SFRP1: variants seen among roughly 807,000 people sequenced by gnomAD.
The protein encoded by SFRP1 is secreted frizzled-related protein 1.
Under a neutral mutation model 25.9 loss-of-function variants are expected in SFRP1, and 9 were observed. The ratio of observed to expected loss-of-function variants is 0.35; its 90% CI spans 0.21 to 0.61. The LOEUF (loss-of-function observed/expected upper bound fraction) is 0.61, where lower values mean the gene tolerates loss of function less well. SFRP1 is among the 20% of genes least tolerant of loss of function. SFRP1 has a pLI of 0.78. For synonymous variants in SFRP1, 178 were observed against 174.0 expected (o/e 1.02, Z -0.18); for missense variants, 346 against 418.2 (o/e 0.83, Z 1.51).
At chr8:41,290,043 C>A (rs1180832096) in intron 2 of SFRP1, among the ~76,000 whole-genome samples, 1 of 152,204 alleles carries the variant, frequency 6.6e-6, no homozygotes. Flanking sequence ...CACAGACAGA[C>A]GCACAGGAGG....
In SFRP1 at chr8:41,265,367, A is replaced by G; in HGVS notation, c.745T>C (p.Tyr249His). The G allele has an allele frequency of 1.2e-6, 2 of 1,614,072 alleles. No homozygotes were observed. Among genetic ancestry groups the G allele is most frequent in the Non-Finnish European group, 1.7e-6 (2 of 1,180,034 alleles). ...GGACAGTCAGCCCCATTCTTCAGGT[A>G]CAGCACAAGCTTCTTCAGGTCCTTC... ...KKKDLKKLVL[Y>H]LKNGADCPCH... The change falls in exon 3 of 3, where the codon TAC becomes CAC. Residue 249 changes from tyrosine (Y) to histidine (H), a missense_variant. Coordinates refer to ENST00000220772, the MANE Select transcript of SFRP1 (RefSeq NM_003012.5).
intron 2 of SFRP1, among the ~76,000 whole-genome samples, chr8:41,296,860 G>A (rs1323186509): frequency 1.3e-5 from 2 of 152,190 alleles, no homozygotes; most frequent in African/African-American, 4.8e-5. Flanking sequence ...GGCAGTCACA[G>A]CTCCCGCATT....
At chr8:41,296,174 C>A (rs1009315079) in intron 2 of SFRP1, among the ~76,000 whole-genome samples, 20 of 152,234 alleles carry the variant, frequency 1.3e-4, no homozygotes, top group Non-Finnish European at 1.8e-4. Context: ...GCAGGCCAGA[C>A]CCCATACACA....
At chr8:41,306,676 A>T in intron 1 of SFRP1, 1 of 1,584,998 alleles carries the variant, frequency 6.3e-7, no homozygotes, top group Non-Finnish European at 8.5e-7. Context: ...CCCTCTCCCC[A>T]CTTTTCTCTT....
At chr8:41,288,189 C>T (rs532610684) in intron 2 of SFRP1, among the ~76,000 whole-genome samples, 85 of 151,952 alleles carry the variant, frequency 5.6e-4, no homozygotes, top group Non-Finnish European at 1.1e-3. Context: ...GAAACCCTGT[C>T]TCTACTAAAA....
chr8:41,281,327 C>T (rs1034975512), intron 2 of SFRP1, among the ~76,000 whole-genome samples: 4 of 152,250 alleles, frequency 2.6e-5, no homozygotes, highest in Non-Finnish European at 4.4e-5. Context: ...CATGCAGGCC[C>T]TTCAAGGATT....
chr8:41,292,326 G>C (rs1010311428), intron 2 of SFRP1, among the ~76,000 whole-genome samples: 1 of 152,158 alleles, frequency 6.6e-6, no homozygotes, highest in Non-Finnish European at 1.5e-5. Flanking sequence ...GAGAGACCTG[G>C]TGGGAGGTGA....
intron 2 of SFRP1, among the ~76,000 whole-genome samples, chr8:41,303,109 C>G (rs886645926): frequency 2.7e-5 from 4 of 149,960 alleles, no homozygotes; most frequent in African/African-American, 9.9e-5. Context: ...CAACCAGACA[C>G]AGTAGCAGGT....
At chr8:41,268,372 G>T (rs999988799) in intron 2 of SFRP1, among the ~76,000 whole-genome samples, 9 of 152,148 alleles carry the variant, frequency 5.9e-5, no homozygotes, top group African/African-American at 1.4e-4. Flanking sequence ...TACACACCAC[G>T]ACCCGGTTAG....
Position 41,308,840 on chromosome 8 carries a change from G to T in SFRP1, c.320C>A (p.Ala107Asp), listed in dbSNP as rs750147715. ...CGAGCAGAGGAAGACCTGGGTGCCG[G>T]CGTGGCAGTTCTTGTTGAGCAGGGG... Reference protein sequence around the residue: ...WVPLLNKNCHAGTQVFLCSLF... With the variant: ...WVPLLNKNCHDGTQVFLCSLF... The change falls in exon 1 of 3, where the codon GCC (alanine) becomes GAC (aspartate). Residue 107 changes from alanine (A) to aspartate (D), a missense_variant. By Grantham distance (126) the Ala-to-Asp change is moderately radical. Coordinates refer to ENST00000220772, the MANE Select transcript of SFRP1 (RefSeq NM_003012.5). The T allele has an allele frequency of 1.2e-6, 2 of 1,610,100 alleles. No homozygotes were observed. The highest frequency in any genetic ancestry group is 2.2e-5 in the South Asian group (2 of 90,864).
chr8:41,279,237 C>T (rs1803606211), intron 2 of SFRP1, among the ~76,000 whole-genome samples: 1 of 152,130 alleles, frequency 6.6e-6, no homozygotes, highest in Admixed American at 6.5e-5. Flanking sequence ...ATGGAAAGAG[C>T]TCAGCCACTG....
chr8:41,285,151 T>C (rs903315212), intron 2 of SFRP1, among the ~76,000 whole-genome samples: 3 of 152,156 alleles, frequency 2.0e-5, no homozygotes, highest in African/African-American at 7.2e-5. Context: ...GCACAGAATG[T>C]TAAAGCACAA....
At chr8:41,271,276 C>T (rs937405882) in intron 2 of SFRP1, 7 of 153,786 alleles carry the variant, frequency 4.6e-5, no homozygotes, top group African/African-American at 1.2e-4. Flanking sequence ...CAAGGGCTGG[C>T]AAGTATTTAA....
intron 2 of SFRP1, among the ~76,000 whole-genome samples, chr8:41,294,753 A>G (rs1803819594): frequency 6.6e-6 from 1 of 152,138 alleles, no homozygotes; most frequent in Admixed American, 6.5e-5. Context: ...AACACCTTTT[A>G]CATTCAAGAC....
At chr8:41,303,619 G>T in intron 1 of SFRP1, 81 bp from the exon 2 acceptor site, 12 of 1,136,192 alleles carry the variant, frequency 1.1e-5, no homozygotes, top group Non-Finnish European at 1.6e-5. Context: ...GATCGGCCCT[G>T]GGTCCAGGCT....
At chr8:41,275,843 C>T (rs926270471) in intron 2 of SFRP1, among the ~76,000 whole-genome samples, 24 of 152,138 alleles carry the variant, frequency 1.6e-4, no homozygotes, top group African/African-American at 5.6e-4. Flanking sequence ...ATCTTCTGGG[C>T]GCAAGTGATC....
intron 2 of SFRP1, among the ~76,000 whole-genome samples, chr8:41,295,623 T>C (rs188953917): frequency 1.4e-3 from 214 of 152,028 alleles, no homozygotes; most frequent in Non-Finnish European, 2.3e-3. Context: ...CATGTGTCCA[T>C]CCACCCTCTC....
chr8:41,286,729 G>A (rs1803710653), intron 2 of SFRP1, among the ~76,000 whole-genome samples: 1 of 152,136 alleles, frequency 6.6e-6, no homozygotes, highest in Non-Finnish European at 1.5e-5. Context: ...CGAGGTCGGG[G>A]GCAGCTAGGA....
intron 2 of SFRP1, among the ~76,000 whole-genome samples, chr8:41,286,366 C>A (rs1043716011): frequency 1.3e-5 from 2 of 152,220 alleles, no homozygotes; most frequent in African/African-American, 4.8e-5. Flanking sequence ...CCCACCGCCT[C>A]CCCCGCCGCA....
Sources: allele counts gnomAD v4.1 joint callset (sites outside exome capture counted in the v4.1 genomes callset), GRCh38; gene constraint gnomAD v4.1.1; transcripts MANE v1.5; gene names NCBI Gene and HGNC (gene_info 2026-07-23, HGNC 2026-07-21).